The following DDHD1 variants were observed in gnomAD, a reference collection of about 807,000 sequenced individuals.
DDHD1 encodes the protein phospholipase DDHD1.
A neutral mutation model predicts 96.4 loss-of-function variants in DDHD1; 49 were observed. The ratio of observed to expected loss-of-function variants is 0.51; its 90% CI spans 0.40 to 0.64. DDHD1 has a LOEUF of 0.64. Ranked by LOEUF, DDHD1 falls within the 30% of genes least tolerant of loss-of-function variation. The pLI is 0.00. For synonymous variants in DDHD1, 442 were observed against 446.5 expected (o/e 0.99, Z 0.13); for missense variants, 1,106 against 1,161.2 (o/e 0.95, Z 0.69).
intron 4 of DDHD1, among the ~76,000 whole-genome samples, chr14:53,086,353 G>C (rs1176317694): frequency 1.3e-5 from 2 of 152,162 alleles, no homozygotes; most frequent in Non-Finnish European, 2.9e-5. Context: ...ATAATTGTCA[G>C]ATTCACCAAG....
rs772689815 is a variant in DDHD1, at chr14:53,152,222, G to C, written c.838+39C>G. On this transcript the variant is annotated intron_variant, in intron 1 of 12. Coordinates refer to ENST00000673822, the MANE Select transcript of DDHD1 (RefSeq NM_001160148.2). ...CACCGGTGCGCATCGGCCCATGCAG[G>C]GGCAGCCCGTCCTGCCCTAACCCCG... 4 of 1,548,340 alleles carry C rather than the reference G, an allele frequency of 2.6e-6. No individual in the cohort carries two copies. The East Asian group carries it at 9.1e-5, about 35-fold the overall frequency.
chr14:53,105,303 T>A (rs925193253), intron 1 of DDHD1, among the ~76,000 whole-genome samples: 3 of 152,036 alleles, frequency 2.0e-5, no homozygotes, highest in Non-Finnish European at 4.4e-5. Context: ...TTGAAAAAAA[T>A]GGCTAACTTC....
rs148422764 is a variant in DDHD1 at position 53,107,668 on chromosome 14, A to G, written c.839-3812T>C. Among the ~76,000 whole-genome samples the G allele has an allele frequency of 4.9e-4, 74 of 152,236 alleles. No homozygotes were observed. In the East Asian group the frequency reaches 0.013, roughly 27 times the overall value. On this transcript the variant is annotated intron_variant, in intron 1 of 12. Coordinates refer to ENST00000673822, the MANE Select transcript of DDHD1 (RefSeq NM_001160148.2). ...TAGCCAGGCATGGTGGTACACACCT[A>G]TAGTCCCAGCTACTTGGGAGGCTGA...
At chr14:53,047,457 T>A (rs913986405) in intron 12 of DDHD1, among the ~76,000 whole-genome samples, 1 of 152,186 alleles carries the variant, frequency 6.6e-6, no homozygotes, top group Non-Finnish European at 1.5e-5. Context: ...AATCCTAGAA[T>A]GTTTTCTTCT....
intron 1 of DDHD1, among the ~76,000 whole-genome samples, chr14:53,121,059 T>C (rs1326535266): frequency 1.3e-5 from 2 of 152,028 alleles, no homozygotes; most frequent in East Asian, 1.9e-4. Context: ...AAAGGTCTAA[T>C]ATCCAGAATC....
At chr14:53,048,294 T>C (rs550205261) in intron 12 of DDHD1, among the ~76,000 whole-genome samples, 1 of 152,080 alleles carries the variant, frequency 6.6e-6, no homozygotes, top group Non-Finnish European at 1.5e-5. Context: ...ATAAAATACT[T>C]GTAAAATACA....
rs137859723 is a variant in DDHD1 at position 53,063,710 on chromosome 14, C to T, written c.1504-505G>A. 1.1e-3 allele frequency among the ~76,000 whole-genome samples: 173 copies of T among 152,058 alleles called. 3 individuals carry two copies. In the East Asian group the frequency reaches 0.016, roughly 14 times the overall value. On this transcript the variant is annotated intron_variant, in intron 6 of 12. Coordinates refer to ENST00000673822, the MANE Select transcript of DDHD1 (RefSeq NM_001160148.2). ...GATAGAGTAATGTAATAAAAGGCCA[C>T]TGAATGATTGAAGAAAAAACAAAAG...
rs1887499039 is a variant in DDHD1, at chr14:53,103,909, A to G, written c.839-53T>C. On this transcript the variant is annotated intron_variant, in intron 1 of 12. Coordinates refer to ENST00000673822, the MANE Select transcript of DDHD1 (RefSeq NM_001160148.2). The stretch of plus-strand genomic sequence containing the variant: ...CACATTTTAAGATTCAACTTCCCCA[A>G]AAGAGACACAGTATCTACAATCTTA... 2.7e-6 allele frequency: 4 copies of G among 1,479,928 alleles called. No individual in the cohort carries two copies. In the African/African-American group the frequency reaches 5.7e-5, roughly 21 times the overall value. 91.7% of individuals were successfully genotyped at this position (1,479,928 alleles called of 1,614,324 possible). A position where few individuals can be genotyped will look rare whatever the true frequency, so the allele number is the denominator to read the frequency against.
At chr14:53,148,618 T>C (rs1435017646) in intron 1 of DDHD1, among the ~76,000 whole-genome samples, 1 of 152,162 alleles carries the variant, frequency 6.6e-6, no homozygotes, top group Admixed American at 6.6e-5. Flanking sequence ...TGGCCTAGAA[T>C]TGCTGAATTA....
At chr14:53,143,790 G>C (rs1415091442) in intron 1 of DDHD1, among the ~76,000 whole-genome samples, 1 of 152,190 alleles carries the variant, frequency 6.6e-6, no homozygotes, top group African/African-American at 2.4e-5. Context: ...AAAGTACATT[G>C]ATTTCTTTAT....
chr14:53,089,686 T>C (rs1048367779), intron 4 of DDHD1, among the ~76,000 whole-genome samples: 3 of 152,262 alleles, frequency 2.0e-5, no homozygotes, highest in South Asian at 4.1e-4. Flanking sequence ...TTACACCTTA[T>C]ACAAAATTTA....
intron 9 of DDHD1, 121 bp downstream of exon 9, chr14:53,058,356 G>T: frequency 9.1e-7 from 1 of 1,097,966 alleles, no homozygotes; most frequent in South Asian, 1.8e-5. Context: ...CTCAGATGAT[G>T]CGCCCGCCTC....
At chr14:53,120,267 G>A (rs936087849) in intron 1 of DDHD1, among the ~76,000 whole-genome samples, 12 of 151,840 alleles carry the variant, frequency 7.9e-5, no homozygotes, top group African/African-American at 2.2e-4. Context: ...TCTTCAAGAC[G>A]AACTACAAAC....
Position 53,123,002 on chromosome 14 carries a change from CACCGGT to C in DDHD1, c.839-19152_839-19147del, listed in dbSNP as rs567270897. Among the ~76,000 whole-genome samples the C allele has an allele frequency of 6.3e-4, 96 of 152,008 alleles. 1 individual carries two copies. Among genetic ancestry groups the C allele is most frequent in the Admixed American group, 4.8e-3 (73 of 15,262 alleles). On this transcript the variant is annotated intron_variant, in intron 1 of 12. Coordinates refer to ENST00000673822, the MANE Select transcript of DDHD1 (RefSeq NM_001160148.2). ...CTATAATGTAAAATATGCTCAGATT[CACCGGT>C]AATGAGAGAGACAGACAGAGAATTT...
At chr14:53,148,352 G>T (rs141440113) in intron 1 of DDHD1, among the ~76,000 whole-genome samples, 83 of 150,720 alleles carry the variant, frequency 5.5e-4, no homozygotes, top group African/African-American at 2.0e-3. Context: ...TGCTCTTGTC[G>T]CCCAGGCTGG....
chr14:53,153,259 A>C lies in DDHD1; in HGVS notation c.-161T>G, dbSNP rs1595291014. 5.4e-6 allele frequency: 3 copies of C among 552,352 alleles called. No homozygotes were observed. Among genetic ancestry groups the C allele is most frequent in the Non-Finnish European group, 2.8e-6 (1 of 354,998 alleles). 34.2% of individuals were successfully genotyped at this position (552,352 alleles called of 1,614,324 possible). A position where few individuals can be genotyped will look rare whatever the true frequency, so the allele number is the denominator to read the frequency against. ...GCGGCGACCGCTCCGCCCCCACGAG[A>C]CCCGCAGCCGCCGCAGCTGCGTTCT... On this transcript the variant is annotated 5_prime_UTR_variant, in exon 1 of 13. Coordinates refer to ENST00000673822, the MANE Select transcript of DDHD1 (RefSeq NM_001160148.2).
chr14:53,045,372 C>T lies in DDHD1; in HGVS notation c.*1396G>A, dbSNP rs1881936661. The T allele has an allele frequency of 6.6e-6, 1 of 152,196 alleles. No individual in the cohort carries two copies. Among genetic ancestry groups the T allele is most frequent in the African/African-American group, 2.4e-5 (1 of 41,412 alleles). The allele number at this position is 152,196 out of a possible 1,614,324, so 9.4% of individuals were successfully genotyped here. A position where few individuals can be genotyped will look rare whatever the true frequency, so the allele number is the denominator to read the frequency against. ...GAGTAGCTGGGACTACAGGTGTACA[C>T]CACTACAAGTGGCTAATTTTTGTCA... On this transcript the variant is annotated 3_prime_UTR_variant, in exon 13 of 13. Coordinates refer to ENST00000673822, the MANE Select transcript of DDHD1 (RefSeq NM_001160148.2).
chr14:53,101,335 C>T (rs1887278097), intron 2 of DDHD1, among the ~76,000 whole-genome samples: 1 of 151,836 alleles, frequency 6.6e-6, no homozygotes, highest in South Asian at 2.1e-4. Flanking sequence ...CCAAATGTAA[C>T]AAGATATAAA....
At chr14:53,120,880 T>C (rs926100285) in intron 1 of DDHD1, among the ~76,000 whole-genome samples, 3 of 152,132 alleles carry the variant, frequency 2.0e-5, no homozygotes, top group Admixed American at 1.3e-4. Flanking sequence ...ATTCAGGACA[T>C]AGGCATGGAC....
Sources: allele counts gnomAD v4.1 joint callset (sites outside exome capture counted in the v4.1 genomes callset), GRCh38; gene constraint gnomAD v4.1.1; transcripts MANE v1.5; gene names NCBI Gene and HGNC (gene_info 2026-07-23, HGNC 2026-07-21).